SCNN1D: variants seen among roughly 807,000 people sequenced by gnomAD.
SCNN1D encodes sodium channel epithelial 1 subunit delta.
SCNN1D carries 104 observed loss-of-function variants against 87.8 expected under a neutral mutation model. The observed-to-expected ratio is 1.18, with a 90% CI of 1.01 to 1.39. The LOEUF (loss-of-function observed/expected upper bound fraction) is 1.39. Ranked by LOEUF, SCNN1D falls within the 40% of genes most tolerant of loss-of-function variation. The probability of loss-of-function intolerance (pLI) is 0.00; values close to 1 mark genes in which losing one functional copy is unlikely to be tolerated. For missense variants in SCNN1D, 1,324 were observed against 1,093.9 expected, an observed-to-expected ratio of 1.21 and a Z score of -2.97; for synonymous variants, 628 against 481.2, an observed-to-expected ratio of 1.31 and a Z score of -3.99.
In SCNN1D at chr1:1,287,299, GGTGA is replaced by G; in HGVS notation, c.1310+4_1310+7del. ...TACGATGGCCTGGACTGCCAGGCCC[GGTGA>G]GTGTGGCGGGCGGGGGCCACTCCTT... On this transcript the variant is annotated splice_donor_variant and splice_donor_region_variant and intron_variant, in intron 9 of 17. Transcript: ENST00000379116. LOFTEE classifies it high-confidence loss of function. 6.3e-7 allele frequency: 1 copy of G among 1,584,718 alleles called. No individual in the cohort carries two copies. The highest frequency in any genetic ancestry group is 8.6e-7 in the Non-Finnish European group (1 of 1,162,322).
At position 1,287,771 on chromosome 1, in the gene SCNN1D, C is replaced by G. The variant is rs1209241110; in HGVS notation, c.1498C>G (p.Pro500Ala). 6.3e-7 allele frequency: 1 copy of G among 1,598,386 alleles called. No individual in the cohort carries two copies. The highest frequency in any genetic ancestry group is 8.5e-7 in the Non-Finnish European group (1 of 1,173,040). The part of the protein sequence containing the change: ...RVMVHGRNHT[P>A]FLGHHSFSVR... ...CATGGTTCACGGCCGTAACCACACGCCCTTCCTGGGGCACCACAGCTTCAG... is the reference window on the plus strand; with the variant it reads ...CATGGTTCACGGCCGTAACCACACGGCCTTCCTGGGGCACCACAGCTTCAG... Residue 500 changes from proline to alanine, a missense_variant, in exon 11 of 18, where the codon CCC (proline) becomes GCC (alanine). Coordinates refer to ENST00000379116, the MANE Select transcript of SCNN1D (RefSeq NM_001130413.4).
rs766092077 is a variant in SCNN1D, at chr1:1,290,596, C to T, written c.1859+41C>T. 8 of 1,612,560 alleles carry T rather than the reference C, an allele frequency of 5.0e-6. No homozygotes were observed. The South Asian group carries it at 7.7e-5, about 15-fold the overall frequency. ...TGGGGTCGCGGCCAGGGATCATTGC[C>T]CCAGGTAGCGTGGCAGGTGACACCC... On this transcript the variant is annotated intron_variant, in intron 14 of 17. Transcript: ENST00000379116.
Position 1,287,120 on chromosome 1 carries a change from G to T in SCNN1D, c.1131G>T (p.Thr377=), listed in dbSNP as rs571695833. The change falls in exon 9 of 18, where the codon ACG becomes ACT. Residue 377 remains threonine, a synonymous_variant. Transcript: ENST00000379116. ...CTCCCCTCTCCCAGTGCAACAGCAC[G>T]GGCGGCGACTGCTTTTACCGAGGCT... ...VRVGFRLCNS[T]GGDCFYRGYT... is the part of the protein sequence containing the mutation. 4.4e-6 allele frequency: 7 copies of T among 1,595,298 alleles called. No homozygotes were observed. In the South Asian group the frequency reaches 6.7e-5, roughly 15 times the overall value.
intron 1 of SCNN1D, chr1:1,280,879 C>T (rs901956483): frequency 1.7e-6 from 1 of 587,730 alleles, no homozygotes; most frequent in Non-Finnish European, 3.0e-6. Context: ...CCACCCTCAG[C>T]ACCCACCCAG....
At position 1,287,210 on chromosome 1, in the gene SCNN1D, G is replaced by A. The variant is rs1640613615; in HGVS notation, c.1221G>A (p.Leu407=). 7 of 1,611,900 alleles carry A rather than the reference G, an allele frequency of 4.3e-6. No individual in the cohort carries two copies. Among genetic ancestry groups the A allele is most frequent in the Non-Finnish European group, 5.9e-6 (7 of 1,179,636 alleles). ...YHFHYVDILA[L]LPAAWEDSHG... ...TCCACTATGTGGATATCCTGGCCCTGCTGCCCGCGGCATGGGAGGACAGCC... is the reference window on the plus strand; with the variant it reads ...TCCACTATGTGGATATCCTGGCCCTACTGCCCGCGGCATGGGAGGACAGCC... The change falls in exon 9 of 18, where the codon CTG becomes CTA. Residue 407 remains leucine, a synonymous_variant. Coordinates refer to ENST00000379116, the MANE Select transcript of SCNN1D (RefSeq NM_001130413.4).
chr1:1,285,937 G>C lies in SCNN1D; in HGVS notation c.570G>C (p.Gln190His). 6.5e-7 allele frequency: 1 copy of C among 1,549,790 alleles called. No homozygotes were observed. Residue 190 changes from glutamine (Q) to histidine (H), a missense_variant, in exon 7 of 18, where the codon CAG becomes CAC. Gln to His is a conservative substitution (Grantham distance 24). Transcript: ENST00000379116. The part of the protein sequence containing the change: ...AACKQGQAAA[Q>H]TPPRPGPPSA... ...CACTCTGCACACAGGCTGCAGCCCA[G>C]ACGCCCCCCAGGCCGGGGCCACCAT...
chr1:1,290,717 T>C lies in SCNN1D; in HGVS notation c.1917+23T>C, dbSNP rs557143590. The C allele has an allele frequency of 5.0e-6, 8 of 1,611,758 alleles. No homozygotes were observed. In the African/African-American group the frequency reaches 8.0e-5, roughly 16 times the overall value. ...GCTGTGAGTCCCCAAAGTGGTGGGG[T>C]GGGGGTGTGGACAGCCAGGCAGACC... On this transcript the variant is annotated intron_variant, in intron 15 of 17. Transcript: ENST00000379116.
rs1557584045 is a variant in SCNN1D, at chr1:1,288,201, C to CCCTGTGTCTCTGCCCCGT, written c.1662+177_1662+178insCCCGTCCTGTGTCTCTGC. On this transcript the variant is annotated intron_variant, in intron 12 of 17. Coordinates refer to ENST00000379116, the MANE Select transcript of SCNN1D (RefSeq NM_001130413.4). Reference sequence around the variant, plus strand: ...CCATCCCCCGTGTCCCCGCTCCATTCCCTGTGTCTCTGCTCCGTCCCGTGT... The same window carrying CCCTGTGTCTCTGCCCCGT: ...CCATCCCCCGTGTCCCCGCTCCATTCCCTGTGTCTCTGCCCCGTCCTGTGTCTCTGCTCCGTCCCGTGT... Among the ~76,000 whole-genome samples the CCCTGTGTCTCTGCCCCGT allele has an allele frequency of 5.3e-5, 8 of 149,730 alleles. 1 individual carries two copies. In the South Asian group the frequency reaches 8.5e-4, roughly 16 times the overall value.
In SCNN1D at chr1:1,284,440, G is replaced by A. The variant is rs551023271; in HGVS notation, c.464+350G>A. Among the ~76,000 whole-genome samples, 31 of 151,830 alleles carry A rather than the reference G, an allele frequency of 2.0e-4. No homozygotes were observed. In the Middle Eastern group the frequency reaches 0.01, roughly 50 times the overall value. On this transcript the variant is annotated intron_variant, in intron 5 of 17. Coordinates refer to ENST00000379116, the MANE Select transcript of SCNN1D (RefSeq NM_001130413.4). ...GGAACAGGATTGCATGGTGGCAATGGGGCAGGTCATCCCTGAGTGCCTCCT... is the reference window on the plus strand; with the variant it reads ...GGAACAGGATTGCATGGTGGCAATGAGGCAGGTCATCCCTGAGTGCCTCCT...
In SCNN1D at chr1:1,288,043, G is replaced by A; in HGVS notation, c.1662+6G>A. On this transcript the variant is annotated splice_donor_region_variant and intron_variant, in intron 12 of 17. Coordinates refer to ENST00000379116, the MANE Select transcript of SCNN1D (RefSeq NM_001130413.4). Reference sequence around the variant, plus strand: ...ACACCTCCTACACCAGGCAGGTGAGGCTGGGCTGGCAGGGGGTGCGGGGGC... The same window carrying A: ...ACACCTCCTACACCAGGCAGGTGAGACTGGGCTGGCAGGGGGTGCGGGGGC... 6.5e-7 allele frequency: 1 copy of A among 1,527,708 alleles called. No homozygotes were observed. Among genetic ancestry groups the A allele is most frequent in the Non-Finnish European group, 8.8e-7 (1 of 1,134,124 alleles). The allele number at this position is 1,527,708 out of a possible 1,614,324, so 94.6% of individuals were successfully genotyped here. A position where few individuals can be genotyped will look rare whatever the true frequency, so the allele number is the denominator to read the frequency against.
Position 1,291,302 on chromosome 1 carries a change from G to A in SCNN1D, c.2101G>A (p.Gly701Arg). 1 of 1,581,294 alleles carries A rather than the reference G, an allele frequency of 6.3e-7. No homozygotes were observed. The highest frequency in any genetic ancestry group is 8.6e-7 in the Non-Finnish European group (1 of 1,165,788). ...GGGCAGCCTCTGCAGCCTGTGGTTT[G>A]GGGCCTCCGTCCTCTCCCTCCTGGA... is the stretch of plus-strand genomic sequence containing the variant. ...AMGSLCSLWFGASVLSLLELL... is the reference protein window; with the variant it reads ...AMGSLCSLWFRASVLSLLELL... The change falls in exon 18 of 18, where the codon GGG becomes AGG. Residue 701 changes from glycine to arginine, a missense_variant. Gly to Arg is a moderately radical substitution (Grantham distance 125, BLOSUM62 -2). Coordinates refer to ENST00000379116, the MANE Select transcript of SCNN1D (RefSeq NM_001130413.4).
At chr1:1,284,559 G>C (rs1431782411) in intron 5 of SCNN1D, among the ~76,000 whole-genome samples, 1 of 146,758 alleles carries the variant, frequency 6.8e-6, no homozygotes, top group African/African-American at 2.6e-5. Flanking sequence ...GGGGTGCACA[G>C]CGTGTGCTGG....
chr1:1,285,821 G>T (rs1449496664), intron 6 of SCNN1D, 105 bp from the exon 7 acceptor site: 2 of 1,288,204 alleles, frequency 1.6e-6, no homozygotes, highest in African/African-American at 3.0e-5. Flanking sequence ...CCGAGCGACC[G>T]AGCAGGTAGG....
chr1:1,283,770 C>G (rs1050553205), intron 4 of SCNN1D, among the ~76,000 whole-genome samples: 3 of 151,894 alleles, frequency 2.0e-5, no homozygotes, highest in Non-Finnish European at 4.4e-5. Context: ...CCTCCCTCCA[C>G]AGGCTGCAGC....
At chr1:1,284,415 G>A (rs1049507253) in intron 5 of SCNN1D, among the ~76,000 whole-genome samples, 1 of 151,528 alleles carries the variant, frequency 6.6e-6, no homozygotes, top group African/African-American at 2.4e-5. Context: ...TGTGCCATCA[G>A]GAACAGGATT....
intron 12 of SCNN1D, among the ~76,000 whole-genome samples, chr1:1,288,525 T>C (rs867037502): frequency 0.075 from 1,378 of 18,438 alleles, 94 homozygotes; most frequent in Admixed American, 0.1. Flanking sequence ...GTGTCCCTGC[T>C]CCGTCCCGTG....
Position 1,286,193 on chromosome 1 carries a change from C to T in SCNN1D, c.826C>T (p.His276Tyr). The T allele has an allele frequency of 1.2e-6, 2 of 1,602,024 alleles. No individual in the cohort carries two copies. Among genetic ancestry groups the T allele is most frequent in the Non-Finnish European group, 1.7e-6 (2 of 1,177,972 alleles). The stretch of plus-strand genomic sequence containing the variant: ...GGGGCTCCTCTTTGAGCGTCACTGG[C>T]ACCGCCCGGTCCTCATGGCCGTCTC... ...QLGLLFERHW[H>Y]RPVLMAVSVH... Residue 276 changes from histidine (H) to tyrosine (Y), a missense_variant, in exon 7 of 18, where the codon CAC becomes TAC. His to Tyr is a moderately conservative substitution (Grantham distance 83). Transcript: ENST00000379116.
intron 9 of SCNN1D, 88 bp from the exon 10 acceptor site, chr1:1,287,420 A>G (rs1640620523): frequency 6.7e-7 from 1 of 1,490,682 alleles, no homozygotes; most frequent in Admixed American, 2.2e-5. Flanking sequence ...AACTTTCCGC[A>G]GACACAGGGC....
In SCNN1D at chr1:1,282,284, C is replaced by G; in HGVS notation, c.320C>G (p.Pro107Arg). Residue 107 changes from proline (P) to arginine (R), a missense_variant, in exon 4 of 18, where the codon CCG (proline) becomes CGG (arginine). Physicochemically the swap from Pro to Arg is moderately radical, Grantham distance 103 (BLOSUM62 -2). Coordinates refer to ENST00000379116, the MANE Select transcript of SCNN1D (RefSeq NM_001130413.4). ...SSMAFLSRTS[P>R]VAAASFQSRQ... ...ATGGCTTTCCTCTCCAGGACGTCAC[C>G]GGTGGCAGCTGCTTCCTTCCAGAGC... The G allele has an allele frequency of 6.5e-7, 1 of 1,550,054 alleles. No individual in the cohort carries two copies. The highest frequency in any genetic ancestry group is 2.0e-5 in the Admixed American group (1 of 51,006).
Sources: gnomAD v4.1 joint callset for allele counts (sites outside exome capture counted in the v4.1 genomes callset) on GRCh38, gnomAD v4.1.1 for gene constraint, MANE v1.5 for transcripts, NCBI Gene and HGNC (gene_info 2026-07-23, HGNC 2026-07-21) for gene names.